The following PUDP variants were observed in gnomAD, a reference collection of about 807,000 sequenced individuals.
PUDP encodes pseudouridine 5'-phosphatase.
PUDP carries 8 observed loss-of-function variants against 9.4 expected under a neutral mutation model. The ratio of observed to expected loss-of-function variants is 0.85; its 90% CI spans 0.50 to 1.53. PUDP has a LOEUF of 1.53. Ranked by LOEUF, PUDP falls within the 40% of genes most tolerant of loss-of-function variation. PUDP has a pLI of 0.00. For missense variants in PUDP, 188 were observed against 189.7 expected, an observed-to-expected ratio of 0.99 and a Z score of 0.05; for synonymous variants, 99 against 80.7, an observed-to-expected ratio of 1.23 and a Z score of -1.22.
chrX:6,870,995 G>A (rs949013268), intron 3 of PUDP, among the ~76,000 whole-genome samples: 1 of 111,804 alleles, frequency 8.9e-6, no homozygotes, highest in African/African-American at 3.3e-5. Flanking sequence ...GCACCACCAC[G>A]TCTAGCTAAT....
At chrX:6,930,719 C>T (rs1386455626) in intron 3 of PUDP, among the ~76,000 whole-genome samples, 1 of 109,711 alleles carries the variant, frequency 9.1e-6, no homozygotes, top group African/African-American at 3.3e-5. Context: ...CTCTACTCTG[C>T]AGACTCACCC....
At chrX:7,064,121 G>A (rs1930481552) in intron 3 of PUDP, among the ~76,000 whole-genome samples, 1 of 111,161 alleles carries the variant, frequency 9.0e-6, no homozygotes. Context: ...CGTATTCAAC[G>A]TTTCTCTTTA....
intron 3 of PUDP, among the ~76,000 whole-genome samples, chrX:6,778,690 G>A (rs1160029021): frequency 2.7e-5 from 3 of 112,243 alleles, no homozygotes; most frequent in African/African-American, 6.5e-5. Flanking sequence ...CGAGGAGGCC[G>A]GGGACCCCTG....
At chrX:7,003,869 G>C (rs1929363924) in intron 1 of PUDP, among the ~76,000 whole-genome samples, 1 of 111,081 alleles carries the variant, frequency 9.0e-6, no homozygotes, top group Admixed American at 9.6e-5. Flanking sequence ...TGTCCTATTG[G>C]TTCCATGGTT....
chrX:7,129,502 A>C (rs1240081324), intron 1 of PUDP, among the ~76,000 whole-genome samples: 1 of 111,754 alleles, frequency 8.9e-6, no homozygotes, highest in Non-Finnish European at 1.9e-5. Context: ...TGTAGAGCCC[A>C]AGGTTGCTCA....
At chrX:6,750,990 A>C (rs1279615390) in intron 3 of PUDP, among the ~76,000 whole-genome samples, 1 of 109,896 alleles carries the variant, frequency 9.1e-6, no homozygotes, top group Non-Finnish European at 1.9e-5. Flanking sequence ...ATACAAAAGG[A>C]AATTAGCCGG....
intron 3 of PUDP, among the ~76,000 whole-genome samples, chrX:6,729,550 TTC>T (rs1314586047): frequency 3.4e-4 from 38 of 112,007 alleles, no homozygotes; most frequent in African/African-American, 1.2e-3. Context: ...ATATCCGGGG[TTC>T]ACATTTTTGT....
chrX:7,062,257 C>A (rs1183421008), intron 3 of PUDP, among the ~76,000 whole-genome samples: 1 of 111,544 alleles, frequency 9.0e-6, no homozygotes, highest in Non-Finnish European at 1.9e-5. Flanking sequence ...AGGAAACATG[C>A]ACTGGGGAAT....
At chrX:7,056,719 TGTCCTGGGTACA>T (rs1930254122) in intron 3 of PUDP, among the ~76,000 whole-genome samples, 1 of 111,060 alleles carries the variant, frequency 9.0e-6, no homozygotes, top group Non-Finnish European at 1.9e-5. Flanking sequence ...ATGGTGGAGG[TGTCCTGGGTACA>T]GGACTTAGAG....
intron 1 of PUDP, among the ~76,000 whole-genome samples, chrX:7,012,439 A>C (rs1477350895): frequency 8.9e-6 from 1 of 112,153 alleles, no homozygotes; most frequent in Non-Finnish European, 1.9e-5. Flanking sequence ...CCTTGGCTCC[A>C]CAAGGATAGA....
intron 1 of PUDP, among the ~76,000 whole-genome samples, chrX:6,995,753 T>C (rs779224315): frequency 1.9e-5 from 2 of 107,537 alleles, no homozygotes; most frequent in East Asian, 5.9e-4. Flanking sequence ...AATAAAAATA[T>C]GAAAGGCATC....
intron 1 of PUDP, among the ~76,000 whole-genome samples, chrX:7,041,996 T>C (rs1288757028): frequency 9.2e-6 from 1 of 108,383 alleles, no homozygotes; most frequent in Non-Finnish European, 1.9e-5. Context: ...CTGCTTGGTC[T>C]CCAGTCCTTT....
intron 3 of PUDP, among the ~76,000 whole-genome samples, chrX:6,932,160 G>GC (rs1270234507): frequency 9.0e-6 from 1 of 111,162 alleles, no homozygotes; most frequent in Non-Finnish European, 1.9e-5. Flanking sequence ...ATTGGGCTTG[G>GC]CAACTGCTTT....
At chrX:7,006,202 G>A (rs1385065296) in intron 1 of PUDP, among the ~76,000 whole-genome samples, 1 of 111,800 alleles carries the variant, frequency 8.9e-6, no homozygotes, top group African/African-American at 3.3e-5. Flanking sequence ...ACACAGGAGT[G>A]GAATGGCCAA....
chrX:6,707,703 G>A (rs183064387), intron 1 of PUDP, among the ~76,000 whole-genome samples: 354 of 111,467 alleles, frequency 3.2e-3, no homozygotes, highest in Middle Eastern at 0.014. Context: ...AAATGCACAG[G>A]AAACTTCCCT....
chrX:6,756,428 C>T (rs961121815), intron 3 of PUDP, among the ~76,000 whole-genome samples: 1 of 112,126 alleles, frequency 8.9e-6, no homozygotes. Flanking sequence ...TTAATGGGCA[C>T]AGGGTTGAAT....
intron 3 of PUDP, among the ~76,000 whole-genome samples, chrX:6,873,876 T>A (rs1927212355): frequency 8.9e-6 from 1 of 112,070 alleles, no homozygotes; most frequent in African/African-American, 3.2e-5. Flanking sequence ...AAATTAAGGT[T>A]TAAACACTTC....
chrX:7,028,102 G>A (rs1205887284), intron 1 of PUDP, among the ~76,000 whole-genome samples: 1 of 106,019 alleles, frequency 9.4e-6, no homozygotes, highest in African/African-American at 3.4e-5. Context: ...ATATAGTCTA[G>A]TACAGATAGA....
intron 3 of PUDP, among the ~76,000 whole-genome samples, chrX:6,950,946 T>TTG (rs200856768): frequency 0.021 from 1,818 of 87,678 alleles, 46 homozygotes; most frequent in African/African-American, 0.062. Context: ...GAGACCTTGG[T>TTG]TGTGTGTTTT....
Sources: gnomAD v4.1 joint callset for allele counts (sites outside exome capture counted in the v4.1 genomes callset) on GRCh38, gnomAD v4.1.1 for gene constraint, MANE v1.5 for transcripts, NCBI Gene and HGNC (gene_info 2026-07-23, HGNC 2026-07-21) for gene names.